The following CEP83 variants were observed in gnomAD, a reference collection of about 807,000 sequenced individuals.
CEP83 encodes the protein centrosomal protein 83.
A neutral mutation model predicts 101.9 loss-of-function variants in CEP83; 70 were observed. The observed-to-expected ratio is 0.69, with a 90% CI of 0.57 to 0.84. CEP83 has a LOEUF of 0.84. Ranked by LOEUF, CEP83 falls within the 40% of genes least tolerant of loss-of-function variation. CEP83 has a pLI of 0.00. For missense variants in CEP83, 715 were observed against 787.2 expected, an observed-to-expected ratio of 0.91 and a Z score of 1.10; for synonymous variants, 264 against 267.9, an observed-to-expected ratio of 0.99 and a Z score of 0.14.
At position 94,378,944 on chromosome 12, in the gene CEP83, T is replaced by C; in HGVS notation, c.648A>G (p.Glu216=). 6.2e-7 allele frequency: 1 copy of C among 1,614,126 alleles called. No homozygotes were observed. The highest frequency in any genetic ancestry group is 1.1e-5 in the South Asian group (1 of 91,074). Residue 216 remains glutamate (E), a synonymous_variant, in exon 7 of 17, where the codon GAA becomes GAG. Coordinates refer to ENST00000397809, the MANE Select transcript of CEP83 (RefSeq NM_016122.3). ...DSKRVEQLAR[E]KVYLCQKLKG... ...TTAATTTTTGACACAAATAGACTTTTTCTCGAGCAAGTTGTTCCACTCGTT... is the reference window on the plus strand; with the variant it reads ...TTAATTTTTGACACAAATAGACTTTCTCTCGAGCAAGTTGTTCCACTCGTT...
At chr12:94,414,729 C>T (rs975667840) in intron 2 of CEP83, among the ~76,000 whole-genome samples, 10 of 152,084 alleles carry the variant, frequency 6.6e-5, no homozygotes, top group Admixed American at 2.0e-4. Context: ...TTACTCTTGA[C>T]TTCTAAAGCT....
At chr12:94,280,668 G>A in the CEP83 span, among the ~76,000 whole-genome samples, 1 of 152,170 alleles carries the variant, frequency 6.6e-6, no homozygotes, top group Admixed American at 6.5e-5. Flanking sequence ...CAAAGGGGGA[G>A]CCCCAGCCAG....
At chr12:94,365,456 T>C (rs1238845824) in intron 11 of CEP83, among the ~76,000 whole-genome samples, 1 of 152,112 alleles carries the variant, frequency 6.6e-6, no homozygotes, top group African/African-American at 2.4e-5. Context: ...TGTACAACAT[T>C]ATTGATTAGT....
At chr12:94,418,996 T>C (rs1008515573) in intron 2 of CEP83, among the ~76,000 whole-genome samples, 3 of 152,040 alleles carry the variant, frequency 2.0e-5, no homozygotes, top group Admixed American at 6.6e-5. Flanking sequence ...ATTGCTACTT[T>C]TATTCAATAT....
the CEP83 span, among the ~76,000 whole-genome samples, chr12:94,270,906 G>C: frequency 6.6e-6 from 1 of 152,112 alleles, no homozygotes; most frequent in East Asian, 1.9e-4. Context: ...GCAGAGTGAA[G>C]AGGGGAGGCT....
In CEP83 at chr12:94,441,954, C is replaced by T. The variant is rs529181867; in HGVS notation, c.-154-6627G>A. ...AAAAAAAAACTAAAAGTAGAACTAC[C>T]ATTTGATCCAGCAATCTCACTATTG... On this transcript the variant is annotated intron_variant, in intron 1 of 16. Transcript: ENST00000397809. Among the ~76,000 whole-genome samples the T allele has an allele frequency of 1.9e-3, 281 of 150,800 alleles. 1 individual carries two copies. The highest frequency in any genetic ancestry group is 6.4e-3 in the African/African-American group (264 of 41,126).
At chr12:94,438,591 C>T (rs993224830) in intron 1 of CEP83, among the ~76,000 whole-genome samples, 5 of 152,056 alleles carry the variant, frequency 3.3e-5, no homozygotes, top group Admixed American at 1.3e-4. Flanking sequence ...GGCAACAAAA[C>T]AGTGAGAGAC....
chr12:94,362,374 C>A (rs181688961), intron 11 of CEP83, among the ~76,000 whole-genome samples: 2 of 152,158 alleles, frequency 1.3e-5, no homozygotes, highest in Non-Finnish European at 2.9e-5. Flanking sequence ...AATCTCAGTA[C>A]TTTGGGAGGC....
chr12:94,416,269 G>T (rs1396585930), intron 2 of CEP83, among the ~76,000 whole-genome samples: 3 of 152,032 alleles, frequency 2.0e-5, no homozygotes, highest in Admixed American at 1.3e-4. Flanking sequence ...CTGGATTTAG[G>T]TATATGACAA....
the CEP83 span, among the ~76,000 whole-genome samples, chr12:94,295,912 G>T: frequency 6.6e-6 from 1 of 152,154 alleles, no homozygotes; most frequent in African/African-American, 2.4e-5. Flanking sequence ...TCTTTACAGA[G>T]AAAACTAATC....
intron 14 of CEP83, chr12:94,328,373 A>G: frequency 4.6e-6 from 1 of 215,336 alleles, no homozygotes; most frequent in Non-Finnish European, 9.9e-6. Context: ...AAACAGCAGA[A>G]ATGACAATCT....
the CEP83 span, among the ~76,000 whole-genome samples, chr12:94,267,885 T>G: frequency 6.6e-6 from 1 of 152,124 alleles, no homozygotes. Flanking sequence ...CTCCCAAGCA[T>G]GTACACCCAG....
At chr12:94,340,598 CA>C (rs2136612492) in intron 11 of CEP83, among the ~76,000 whole-genome samples, 1 of 152,156 alleles carries the variant, frequency 6.6e-6, no homozygotes, top group South Asian at 2.1e-4. Context: ...CACCACACCC[CA>C]CTAATTTTTG....
chr12:94,425,607 G>C (rs1024334330), intron 2 of CEP83, among the ~76,000 whole-genome samples: 2 of 152,172 alleles, frequency 1.3e-5, no homozygotes, highest in East Asian at 3.9e-4. Context: ...ATAATGTGAT[G>C]TTGTGAGTCC....
At chr12:94,347,990 T>G (rs1168431081) in intron 11 of CEP83, among the ~76,000 whole-genome samples, 2 of 151,856 alleles carry the variant, frequency 1.3e-5, no homozygotes, top group African/African-American at 4.8e-5. Context: ...AATTAATGAG[T>G]TAGAAAATGG....
At chr12:94,396,585 G>T (rs1275992766) in intron 6 of CEP83, among the ~76,000 whole-genome samples, 1 of 152,016 alleles carries the variant, frequency 6.6e-6, no homozygotes, top group Non-Finnish European at 1.5e-5. Context: ...ACCACACCTG[G>T]CCAACACTGT....
intron 14 of CEP83, among the ~76,000 whole-genome samples, chr12:94,316,822 T>C (rs1232767997): frequency 6.6e-6 from 1 of 152,092 alleles, no homozygotes; most frequent in Admixed American, 6.6e-5. Flanking sequence ...TATCCAATCT[T>C]CCATTGATGG....
intron 2 of CEP83, chr12:94,424,763 T>A (rs2065051826): frequency 6.2e-7 from 1 of 1,611,994 alleles, no homozygotes; most frequent in East Asian, 2.2e-5. Flanking sequence ...AAGATCTTGG[T>A]CAGTAGTGCC....
At chr12:94,279,658 G>A in the CEP83 span, 2 of 1,613,486 alleles carry the variant, frequency 1.2e-6, no homozygotes, top group African/African-American at 1.3e-5. Context: ...TGGTAAGGCG[G>A]TGCGGGAGCT....
Sources: allele counts gnomAD v4.1 joint callset (sites outside exome capture counted in the v4.1 genomes callset), GRCh38; gene constraint gnomAD v4.1.1; transcripts MANE v1.5; gene names NCBI Gene and HGNC (gene_info 2026-07-23, HGNC 2026-07-21).